The following FSHR variants were observed in gnomAD, a reference collection of about 807,000 sequenced individuals.
FSHR encodes follicle-stimulating hormone receptor.
A neutral mutation model predicts 52.1 loss-of-function variants in FSHR; 46 were observed. The observed-to-expected ratio is 0.88, with a 90% CI of 0.70 to 1.13. The LOEUF (loss-of-function observed/expected upper bound fraction) is 1.13. Ranked by LOEUF, FSHR falls within the 50% of genes most tolerant of loss-of-function variation. The pLI is 0.00. For missense variants in FSHR, 964 were observed against 834.6 expected (o/e 1.16, Z -1.91); for synonymous variants, 399 against 309.6 (o/e 1.29, Z -3.03).
rs577708818 is a variant in FSHR, at chr2:49,149,059, A to AT, written c.152+5206dup. The stretch of plus-strand genomic sequence containing the variant: ...CAGGGCCGAAGCAAAGATAATGGTA[A>AT]TTTTTTTAAAAAAAATATTATTATT... On this transcript the variant is annotated intron_variant, in intron 1 of 9. Transcript: ENST00000406846. Among the ~76,000 whole-genome samples the AT allele has an allele frequency of 5.9e-5, 9 of 152,050 alleles. No homozygotes were observed. In the East Asian group the frequency reaches 1.4e-3, roughly 23 times the overall value.
chr2:49,079,890 G>A (rs900000677), intron 1 of FSHR, among the ~76,000 whole-genome samples: 1 of 152,108 alleles, frequency 6.6e-6, no homozygotes, highest in Non-Finnish European at 1.5e-5. Flanking sequence ...TAAAATTTCT[G>A]TAAAACAAAG....
chr2:48,963,820 T>A lies in FSHR; in HGVS notation c.1001A>T (p.Asp334Val), dbSNP rs961785252. 6.2e-7 allele frequency: 1 copy of A among 1,614,132 alleles called. No individual in the cohort carries two copies. The highest frequency in any genetic ancestry group is 8.5e-7 in the Non-Finnish European group (1 of 1,179,992). ...RGFDMTYTEF[D>V]YDLCNEVVDV... Reference sequence around the variant, plus strand: ...AACCACTTCATTGCATAAGTCATAGTCAAACTCAGTGTACGTCATGTCAAA... The same window carrying A: ...AACCACTTCATTGCATAAGTCATAGACAAACTCAGTGTACGTCATGTCAAA... The change falls in exon 10 of 10, where the codon GAC (aspartate) becomes GTC (valine). Residue 334 changes from aspartate (D) to valine (V), a missense_variant. Asp to Val is a radical substitution (Grantham distance 152, BLOSUM62 -3). Transcript: ENST00000406846.
intron 1 of FSHR, among the ~76,000 whole-genome samples, chr2:49,121,879 A>C (rs1159017026): frequency 2.0e-5 from 3 of 152,140 alleles, no homozygotes; most frequent in Admixed American, 2.0e-4. Flanking sequence ...TCTTCAGGAC[A>C]AAAATAAACA....
intron 1 of FSHR, among the ~76,000 whole-genome samples, chr2:49,072,410 T>C (rs1669770623): frequency 6.6e-6 from 1 of 152,140 alleles, no homozygotes; most frequent in Non-Finnish European, 1.5e-5. Flanking sequence ...TTTAAATTAT[T>C]GTACCAGAAA....
At chr2:49,107,582 T>C (rs1007244701) in intron 1 of FSHR, among the ~76,000 whole-genome samples, 2 of 152,150 alleles carry the variant, frequency 1.3e-5, no homozygotes, top group Non-Finnish European at 2.9e-5. Flanking sequence ...GGTTATAGAA[T>C]GAAAACTGAT....
At chr2:49,125,968 G>T (rs1178678774) in intron 1 of FSHR, among the ~76,000 whole-genome samples, 1 of 152,170 alleles carries the variant, frequency 6.6e-6, no homozygotes, top group African/African-American at 2.4e-5. Context: ...TAGACACTGG[G>T]TCTTCTAGCT....
chr2:49,028,104 A>T (rs1416134736), intron 2 of FSHR, among the ~76,000 whole-genome samples: 1 of 152,136 alleles, frequency 6.6e-6, no homozygotes, highest in Non-Finnish European at 1.5e-5. Flanking sequence ...AGAGGCAAAA[A>T]AAAGTGAGGT....
At chr2:49,001,415 A>C (rs1164457969) in intron 4 of FSHR, among the ~76,000 whole-genome samples, 1 of 152,138 alleles carries the variant, frequency 6.6e-6, no homozygotes, top group Non-Finnish European at 1.5e-5. Flanking sequence ...TTGGCTGTAT[A>C]AGAACTTTTA....
chr2:49,141,248 G>A (rs1367423327), intron 1 of FSHR, among the ~76,000 whole-genome samples: 1 of 152,114 alleles, frequency 6.6e-6, no homozygotes, highest in African/African-American at 2.4e-5. Flanking sequence ...ATCTGTGTTA[G>A]GCTGTTCTTG....
chr2:49,145,631 A>T (rs1360379553), intron 1 of FSHR, among the ~76,000 whole-genome samples: 2 of 152,072 alleles, frequency 1.3e-5, no homozygotes, highest in African/African-American at 4.8e-5. Context: ...GACAATGACT[A>T]TTCTGAGTTC....
chr2:48,986,008 C>T (rs1276646022), intron 6 of FSHR, among the ~76,000 whole-genome samples: 5 of 152,186 alleles, frequency 3.3e-5, no homozygotes, highest in Non-Finnish European at 5.9e-5. Flanking sequence ...CCACCGCGCC[C>T]GGCCGCATGT....
intron 1 of FSHR, among the ~76,000 whole-genome samples, chr2:49,114,585 T>G (rs1671534878): frequency 6.6e-6 from 1 of 152,094 alleles, no homozygotes; most frequent in African/African-American, 2.4e-5. Flanking sequence ...GCCTCAACTA[T>G]GAAAAATAAA....
intron 8 of FSHR, among the ~76,000 whole-genome samples, chr2:48,973,894 A>T (rs1674858702): frequency 6.6e-6 from 1 of 152,126 alleles, no homozygotes. Flanking sequence ...CTTTTCATGT[A>T]TGTTTGTTTG....
intron 4 of FSHR, among the ~76,000 whole-genome samples, chr2:49,009,203 A>T (rs1667180576): frequency 6.6e-6 from 1 of 150,950 alleles, no homozygotes; most frequent in African/African-American, 2.4e-5. Context: ...TGATTTTTGT[A>T]TAAGGTGTAA....
intron 8 of FSHR, among the ~76,000 whole-genome samples, chr2:48,970,675 C>G (rs1465544255): frequency 6.6e-6 from 1 of 152,156 alleles, no homozygotes; most frequent in African/African-American, 2.4e-5. Flanking sequence ...CATTCAGATC[C>G]TACTCCTGAG....
In FSHR at chr2:49,154,385, G is replaced by C; in HGVS notation, c.33C>G (p.Phe11Leu). Reference protein sequence around the residue: MALLLVSLLAFLSLGSGCHHR... With the variant: MALLLVSLLALLSLGSGCHHR... ...GATGACATCCTGAGCCCAAGCTCAG[G>C]AATGCCAGCAAAGAGACCAGGAGCA... The change falls in exon 1 of 10, where the codon TTC becomes TTG. Residue 11 changes from phenylalanine to leucine, a missense_variant. Transcript: ENST00000406846. 1 of 1,613,132 alleles carries C rather than the reference G, an allele frequency of 6.2e-7. No individual in the cohort carries two copies. The highest frequency in any genetic ancestry group is 8.5e-7 in the Non-Finnish European group (1 of 1,179,906).
At chr2:48,975,970 C>A (rs1006036557) in intron 8 of FSHR, among the ~76,000 whole-genome samples, 1 of 152,136 alleles carries the variant, frequency 6.6e-6, no homozygotes, top group Non-Finnish European at 1.5e-5. Context: ...ATTTGAATAC[C>A]TTTTATTTCT....
At chr2:49,013,467 T>TAA (rs1335007088) in intron 4 of FSHR, among the ~76,000 whole-genome samples, 2 of 125,306 alleles carry the variant, frequency 1.6e-5, no homozygotes, top group East Asian at 2.2e-4. Flanking sequence ...TATATAAATA[T>TAA]ATATATATAT....
chr2:49,080,746 T>G (rs1339736141), intron 1 of FSHR, among the ~76,000 whole-genome samples: 3 of 152,152 alleles, frequency 2.0e-5, no homozygotes, highest in Non-Finnish European at 2.9e-5. Context: ...AAACTGCCCC[T>G]CCCAGTGGTG....
Sources: gnomAD v4.1 joint callset for allele counts (sites outside exome capture counted in the v4.1 genomes callset) on GRCh38, gnomAD v4.1.1 for gene constraint, MANE v1.5 for transcripts, NCBI Gene and HGNC (gene_info 2026-07-23, HGNC 2026-07-21) for gene names.